ARF3: variants seen among roughly 807,000 people sequenced by gnomAD.
ARF3 encodes ADP-ribosylation factor 3.
Under a neutral mutation model 19.3 loss-of-function variants are expected in ARF3, and 5 were observed. The observed-to-expected ratio is 0.26, with a 90% CI of 0.14 to 0.54. ARF3 has a LOEUF of 0.54. Ranked by LOEUF, ARF3 falls within the 20% of genes least tolerant of loss-of-function variation. The probability of loss-of-function intolerance (pLI) is 0.95; values close to 1 mark genes in which losing one functional copy is unlikely to be tolerated. For synonymous variants in ARF3, 71 were observed against 89.2 expected (o/e 0.80, Z 1.15); for missense variants, 77 against 234.2 (o/e 0.33, Z 4.38).
chr12:48,944,416 A>C (rs1265196516), intron 1 of ARF3, among the ~76,000 whole-genome samples: 1 of 152,214 alleles, frequency 6.6e-6, no homozygotes, highest in Non-Finnish European at 1.5e-5. Flanking sequence ...ATGCCACATC[A>C]AGGCCTTACT....
chr12:48,950,752 A>T (rs1397164128), intron 1 of ARF3, among the ~76,000 whole-genome samples: 1 of 152,118 alleles, frequency 6.6e-6, no homozygotes, highest in Non-Finnish European at 1.5e-5. Context: ...TCATAGAAGT[A>T]AAATTGTACA....
Position 48,951,395 on chromosome 12 carries a change from TA to T in ARF3, c.-94+5914del, listed in dbSNP as rs1290310652. 2.0e-5 allele frequency among the ~76,000 whole-genome samples: 3 copies of T among 150,486 alleles called. No homozygotes were observed. In the East Asian group the frequency reaches 6.0e-4, roughly 30 times the overall value. Reference sequence around the variant, plus strand: ...GGCCAACATGGTGAGACCCCATCTCTACTAAAAATACAAAATTAGCTGGGCA... The same window carrying T: ...GGCCAACATGGTGAGACCCCATCTCTCTAAAAATACAAAATTAGCTGGGCA... On this transcript the variant is annotated intron_variant, in intron 1 of 4. Coordinates refer to ENST00000256682, the MANE Select transcript of ARF3 (RefSeq NM_001659.3).
intron 1 of ARF3, among the ~76,000 whole-genome samples, chr12:48,952,459 T>C (rs1232327835): frequency 1.3e-5 from 2 of 152,260 alleles, no homozygotes; most frequent in African/African-American, 4.8e-5. Flanking sequence ...TCTTAGAATC[T>C]GACCAGCTTA....
rs987687673 is a variant in ARF3 at position 48,939,499 on chromosome 12, C to T, written c.384+156G>A. Among the ~76,000 whole-genome samples, 5 of 152,062 alleles carry T rather than the reference C, an allele frequency of 3.3e-5. No homozygotes were observed. The highest frequency in any genetic ancestry group is 1.2e-4 in the African/African-American group (5 of 41,394). On this transcript the variant is annotated intron_variant, in intron 4 of 4. Transcript: ENST00000256682. This position sits in a 1 kb window ranked among gnomAD's most constrained non-coding sequence, Gnocchi z 4.8. ...GCTAAATAAAGCTTGGGGTGGGGCA[C>T]AAGAAGAGGGGCATAAAGAAGCCAA...
At chr12:48,951,563 C>CAAAA (rs898928688) in intron 1 of ARF3, among the ~76,000 whole-genome samples, 5 of 144,714 alleles carry the variant, frequency 3.5e-5, no homozygotes, top group Non-Finnish European at 6.0e-5. Flanking sequence ...AACTCCATCA[C>CAAAA]AAAAATAAAT....
chr12:48,947,893 AG>A (rs1940387374), intron 1 of ARF3, among the ~76,000 whole-genome samples: 1 of 152,100 alleles, frequency 6.6e-6, no homozygotes, highest in African/African-American at 2.4e-5. Flanking sequence ...GGAGTTGGGC[AG>A]GGGAAGTGTG....
chr12:48,953,531 AAAGG>A (rs1356176269), intron 1 of ARF3, among the ~76,000 whole-genome samples: 2 of 152,164 alleles, frequency 1.3e-5, no homozygotes, highest in African/African-American at 4.8e-5. Flanking sequence ...ATAAGCTAAT[AAAGG>A]AAGGATTATG....
chr12:48,951,786 G>A (rs1940476671), intron 1 of ARF3, among the ~76,000 whole-genome samples: 1 of 151,912 alleles, frequency 6.6e-6, no homozygotes, highest in South Asian at 2.1e-4. Context: ...AGCTGAGGCA[G>A]GAGAATGGTT....
rs530911315 is a variant in ARF3 at position 48,948,894 on chromosome 12, A to G, written c.-93-7706T>C. 4.9e-4 allele frequency among the ~76,000 whole-genome samples: 74 copies of G among 152,344 alleles called. 1 individual carries two copies. The highest frequency in any genetic ancestry group is 1.7e-3 in the South Asian group (8 of 4,826). ...TGGATCATGAAGGGCTTTAAAGGCC[A>G]TGCTGAGTAACGTGATCAGGTATGT... is the stretch of plus-strand genomic sequence containing the variant. On this transcript the variant is annotated intron_variant, in intron 1 of 4. Transcript: ENST00000256682.
Position 48,938,479 on chromosome 12 carries a change from C to G in ARF3, c.*468G>C. The G allele has an allele frequency of 2.2e-6, 1 of 450,530 alleles. No individual in the cohort carries two copies. Among genetic ancestry groups the G allele is most frequent in the Non-Finnish European group, 4.5e-6 (1 of 223,482 alleles). The allele number at this position is 450,530 out of a possible 1,614,324, so 27.9% of individuals were successfully genotyped here. On this transcript the variant is annotated 3_prime_UTR_variant, in exon 5 of 5. Coordinates refer to ENST00000256682, the MANE Select transcript of ARF3 (RefSeq NM_001659.3). ...ATCTCTCTATACATGTATATACAGG[C>G]GCACACATGCACGCAAACACAGAGA...
Position 48,941,174 on chromosome 12 carries a change from A to G in ARF3, c.-79T>C, listed in dbSNP as rs529779755. On this transcript the variant is annotated 5_prime_UTR_variant, in exon 2 of 5. Transcript: ENST00000256682. The stretch of plus-strand genomic sequence containing the variant: ...GTCTGGTTTTGGCCTGGTCCCTGGT[A>G]TGGAAGACTTGATCCTAGACAAAGG... The G allele has an allele frequency of 4.1e-6, 6 of 1,448,370 alleles. No individual in the cohort carries two copies. The South Asian group carries it at 5.3e-5, about 13-fold the overall frequency. The allele number at this position is 1,448,370 out of a possible 1,614,324, so 89.7% of individuals were successfully genotyped here.
intron 1 of ARF3, among the ~76,000 whole-genome samples, chr12:48,950,359 C>T (rs1940444053): frequency 1.3e-5 from 2 of 152,146 alleles, no homozygotes; most frequent in African/African-American, 4.8e-5. Context: ...CCACGCCTGG[C>T]TAATTTTTGT....
chr12:48,955,476 C>T (rs140031721), intron 1 of ARF3, among the ~76,000 whole-genome samples: 6 of 152,292 alleles, frequency 3.9e-5, no homozygotes, highest in Middle Eastern at 3.4e-3. Flanking sequence ...CTTTTTGGGT[C>T]TTAAGTTTCC....
intron 1 of ARF3, among the ~76,000 whole-genome samples, chr12:48,950,557 C>T (rs1938608231): frequency 6.6e-6 from 1 of 151,948 alleles, no homozygotes; most frequent in Admixed American, 6.6e-5. Flanking sequence ...TTTAAGTATA[C>T]AATTCAGTAG....
intron 1 of ARF3, among the ~76,000 whole-genome samples, chr12:48,947,393 G>T (rs186112599): frequency 6.8e-6 from 1 of 146,860 alleles, no homozygotes; most frequent in East Asian, 2.0e-4. Context: ...TGCAACCTCC[G>T]CCTCCCAAGT....
chr12:48,941,757 T>A (rs1241597014), intron 1 of ARF3, among the ~76,000 whole-genome samples: 1 of 152,210 alleles, frequency 6.6e-6, no homozygotes, highest in African/African-American at 2.4e-5. Context: ...AAAGGAGGAA[T>A]AAGAAAGCCG....
intron 1 of ARF3, among the ~76,000 whole-genome samples, chr12:48,950,425 G>A (rs569675239): frequency 2.6e-5 from 4 of 152,064 alleles, no homozygotes; most frequent in African/African-American, 9.6e-5. Context: ...GGGCTCAAGT[G>A]ATCCGCCCAC....
At chr12:48,941,223 T>C (rs1940250834) in intron 1 of ARF3, 35 bp from the exon 2 acceptor site, 1 of 1,125,674 alleles carries the variant, frequency 8.9e-7, no homozygotes, top group Admixed American at 2.5e-5. Flanking sequence ...TACCATCATT[T>C]GCTTGTCAGG....
intron 2 of ARF3, among the ~76,000 whole-genome samples, 179 bp downstream of exon 2, chr12:48,940,769 G>A (rs1940242766): frequency 6.6e-6 from 1 of 152,230 alleles, no homozygotes; most frequent in Non-Finnish European, 1.5e-5. Context: ...GCCAGGTTAG[G>A]TGGGCAAACA....
Sources: allele counts gnomAD v4.1 joint callset (sites outside exome capture counted in the v4.1 genomes callset), GRCh38; gene constraint gnomAD v4.1.1; non-coding constraint Gnocchi (gnomAD v3.1); transcripts MANE v1.5; gene names NCBI Gene and HGNC (gene_info 2026-07-23, HGNC 2026-07-21).